The following TAF1A variants were observed in gnomAD, a reference collection of about 807,000 sequenced individuals.
TAF1A encodes the protein TATA-box binding protein associated factor, RNA polymerase I subunit A.
TAF1A carries 42 observed loss-of-function variants against 61.6 expected under a neutral mutation model. That is an observed-to-expected ratio of 0.68 (90% confidence interval 0.53 to 0.88). The LOEUF is 0.88. Among genes scored for constraint, TAF1A ranks in the 40% least tolerant of loss-of-function variants. The probability of loss-of-function intolerance (pLI) is 0.00; values close to 1 mark genes in which losing one functional copy is unlikely to be tolerated. For missense variants in TAF1A, 424 were observed against 518.7 expected (o/e 0.82, Z 1.77); for synonymous variants, 179 against 177.7 (o/e 1.01, Z -0.06).
chr1:222,574,849 A>C (rs1327204575), intron 5 of TAF1A, among the ~76,000 whole-genome samples: 1 of 152,188 alleles, frequency 6.6e-6, no homozygotes, highest in Non-Finnish European at 1.5e-5. Context: ...GATTAACATA[A>C]GTCAGGACAG....
chr1:222,588,229 GA>G (rs1251277566), intron 2 of TAF1A, among the ~76,000 whole-genome samples: 2 of 152,058 alleles, frequency 1.3e-5, no homozygotes, highest in Non-Finnish European at 2.9e-5. Flanking sequence ...AGTATTACTG[GA>G]AAAAATGTGT....
At chr1:222,565,716 G>C (rs1407405887) in intron 7 of TAF1A, among the ~76,000 whole-genome samples, 1 of 152,114 alleles carries the variant, frequency 6.6e-6, no homozygotes, top group Non-Finnish European at 1.5e-5. Context: ...CAAAAAATTA[G>C]CCAGCCATGG....
chr1:222,580,237 G>A (rs2102672246), intron 3 of TAF1A, among the ~76,000 whole-genome samples: 1 of 152,188 alleles, frequency 6.6e-6, no homozygotes, highest in South Asian at 2.1e-4. Flanking sequence ...TTCTTCATTG[G>A]TCTCAGCCTC....
chr1:222,569,379 CTGTT>C, intron 7 of TAF1A, 127 bp downstream of exon 7: 1 of 1,572,670 alleles, frequency 6.4e-7, no homozygotes, highest in Non-Finnish European at 8.6e-7. Context: ...CCAACTTTCT[CTGTT>C]TATCTCAGTG....
chr1:222,583,978 A>C (rs983836244), intron 3 of TAF1A, 150 bp downstream of exon 3: 1 of 724,854 alleles, frequency 1.4e-6, no homozygotes, highest in Non-Finnish European at 2.2e-6. Context: ...GTGTGCAAAA[A>C]AGGTCCCAAT....
At chr1:222,558,907 T>G (rs1008260359) in intron 10 of TAF1A, 135 bp from the exon 11 acceptor site, 2 of 449,316 alleles carry the variant, frequency 4.5e-6, no homozygotes, top group African/African-American at 2.0e-5. Flanking sequence ...TATCAATATG[T>G]CCTAAGCATA....
At chr1:222,584,512 G>T (rs1401066324) in intron 2 of TAF1A, among the ~76,000 whole-genome samples, 1 of 151,784 alleles carries the variant, frequency 6.6e-6, no homozygotes, top group African/African-American at 2.4e-5. Flanking sequence ...TTGATGTTTT[G>T]GGGCTACTAG....
chr1:222,563,341 G>T, intron 8 of TAF1A, 45 bp from the exon 9 acceptor site: 1 of 1,585,346 alleles, frequency 6.3e-7, no homozygotes. Context: ...GTATTAAAGT[G>T]TACAAAGCTA....
At chr1:222,582,732 G>A (rs1660834023) in intron 3 of TAF1A, among the ~76,000 whole-genome samples, 1 of 152,116 alleles carries the variant, frequency 6.6e-6, no homozygotes, top group African/African-American at 2.4e-5. Flanking sequence ...ATAAAACATG[G>A]TATTTCCATA....
At chr1:222,558,813 C>A in intron 10 of TAF1A, 41 bp from the exon 11 acceptor site, 2 of 990,074 alleles carry the variant, frequency 2.0e-6, no homozygotes, top group Non-Finnish European at 2.9e-6. Flanking sequence ...ATACTCATCA[C>A]ATTTTTCAAG....
rs1307835790 is a variant in TAF1A, at chr1:222,584,143, C to T, written c.276G>A (p.Arg92=). Residue 92 remains arginine, a synonymous_variant, in exon 3 of 11, where the codon AGG becomes AGA. Transcript: ENST00000352967. ...TTTTATTTACCTCAGGTGCAGCCTGCCTTTTGTAGCTATCTGAATCTTCCA... is the reference window on the plus strand; with the variant it reads ...TTTTATTTACCTCAGGTGCAGCCTGTCTTTTGTAGCTATCTGAATCTTCCA... ...QTLEDSDSYK[R]QAAPEIIWKL... is the part of the protein sequence containing the mutation. 6.2e-7 allele frequency: 1 copy of T among 1,608,942 alleles called. No individual in the cohort carries two copies. Among genetic ancestry groups the T allele is most frequent in the Non-Finnish European group, 8.5e-7 (1 of 1,178,564 alleles).
At chr1:222,587,679 T>C (rs182650467) in intron 2 of TAF1A, among the ~76,000 whole-genome samples, 55 of 152,322 alleles carry the variant, frequency 3.6e-4, no homozygotes, top group Admixed American at 3.2e-3. Flanking sequence ...CTTGCATTTA[T>C]ATTAGATAAA....
Position 222,570,117 on chromosome 1 carries a change from G to A in TAF1A, c.735+418C>T, listed in dbSNP as rs534376223. ...ATTTATTCCTAGTGCCTAGCACCAA[G>A]GCCCTCAGTCCTTTTACAATGACTC... On this transcript the variant is annotated intron_variant, in intron 6 of 10. Coordinates refer to ENST00000352967, the MANE Select transcript of TAF1A (RefSeq NM_005681.4). Among the ~76,000 whole-genome samples, 4 of 152,256 alleles carry A rather than the reference G, an allele frequency of 2.6e-5. No homozygotes were observed. In the East Asian group the frequency reaches 7.7e-4, roughly 29 times the overall value.
chr1:222,569,347 T>C (rs751609462), intron 7 of TAF1A, 163 bp downstream of exon 7: 10 of 1,536,506 alleles, frequency 6.5e-6, no homozygotes, highest in Admixed American at 5.8e-5. Context: ...GGATGATACA[T>C]ACATGGAGAT....
chr1:222,564,184 C>A, intron 7 of TAF1A, 59 bp from the exon 8 acceptor site: 1 of 1,141,612 alleles, frequency 8.8e-7, no homozygotes. Flanking sequence ...TCTCAAATTT[C>A]AGCTTACTTT....
intron 10 of TAF1A, among the ~76,000 whole-genome samples, 197 bp downstream of exon 10, chr1:222,561,167 A>C (rs1451174257): frequency 6.6e-6 from 1 of 152,154 alleles, no homozygotes; most frequent in Non-Finnish European, 1.5e-5. Context: ...AAAACCGTTC[A>C]CAATCAATAT....
intron 2 of TAF1A, among the ~76,000 whole-genome samples, chr1:222,585,779 A>G (rs932289637): frequency 6.6e-6 from 1 of 152,208 alleles, no homozygotes; most frequent in African/African-American, 2.4e-5. Flanking sequence ...AAAGAGGAAC[A>G]TAAAATGTCC....
chr1:222,583,570 T>C (rs1660882735), intron 3 of TAF1A, among the ~76,000 whole-genome samples: 1 of 152,154 alleles, frequency 6.6e-6, no homozygotes, highest in Non-Finnish European at 1.5e-5. Flanking sequence ...CTGGGCATGG[T>C]GGCTCACACC....
chr1:222,556,789 A>C (rs891762034), downstream of TAF1A, among the ~76,000 whole-genome samples: 1 of 152,226 alleles, frequency 6.6e-6, no homozygotes, highest in African/African-American at 2.4e-5. Flanking sequence ...GATCAAGAGA[A>C]ATCATAGTCC....
Sources: allele counts gnomAD v4.1 joint callset (sites outside exome capture counted in the v4.1 genomes callset), GRCh38; gene constraint gnomAD v4.1.1; transcripts MANE v1.5; gene names NCBI Gene and HGNC (gene_info 2026-07-23, HGNC 2026-07-21).